The following TRIM9 variants were observed in gnomAD, a reference collection of about 807,000 sequenced individuals.
TRIM9 encodes the protein E3 ubiquitin-protein ligase TRIM9.
Under a neutral mutation model 78.3 loss-of-function variants are expected in TRIM9, and 26 were observed. That is an observed-to-expected ratio of 0.33 (90% CI 0.24 to 0.46). The LOEUF is 0.46. Ranked by LOEUF, TRIM9 falls within the 20% of genes least tolerant of loss-of-function variation. The pLI, the probability that TRIM9 is intolerant of heterozygous loss-of-function variation, is 1.00. For synonymous variants in TRIM9, 398 were observed against 416.5 expected, an observed-to-expected ratio of 0.96 and a Z score of 0.54; for missense variants, 787 against 1,036.4, an observed-to-expected ratio of 0.76 and a Z score of 3.30.
chr14:51,052,753 C>T (rs773738892), intron 1 of TRIM9, among the ~76,000 whole-genome samples: 2 of 152,196 alleles, frequency 1.3e-5, no homozygotes, highest in South Asian at 2.1e-4. Flanking sequence ...CAGACACAGA[C>T]GTCATTGCCC....
intron 3 of TRIM9, among the ~76,000 whole-genome samples, chr14:51,021,375 G>A (rs2057746405): frequency 6.6e-6 from 1 of 152,172 alleles, no homozygotes; most frequent in Non-Finnish European, 1.5e-5. Flanking sequence ...CAGCTCTTGA[G>A]GTACTCTGTG....
At chr14:51,059,867 T>G (rs943318752) in intron 1 of TRIM9, among the ~76,000 whole-genome samples, 3 of 152,110 alleles carry the variant, frequency 2.0e-5, no homozygotes, top group African/African-American at 7.2e-5. Flanking sequence ...TGCTCTATTC[T>G]TCTACTAGGA....
intron 3 of TRIM9, among the ~76,000 whole-genome samples, chr14:51,020,129 T>C (rs1020316605): frequency 2.0e-5 from 3 of 152,122 alleles, no homozygotes; most frequent in African/African-American, 7.2e-5. Flanking sequence ...AGATTACCCC[T>C]GCAGGACAGT....
At chr14:51,016,865 T>C (rs561919412) in intron 3 of TRIM9, among the ~76,000 whole-genome samples, 2 of 152,192 alleles carry the variant, frequency 1.3e-5, no homozygotes, top group Non-Finnish European at 2.9e-5. Flanking sequence ...CCATTGTTGG[T>C]TGAATTCATG....
chr14:51,055,022 C>T (rs1435907633), intron 1 of TRIM9, among the ~76,000 whole-genome samples: 1 of 149,816 alleles, frequency 6.7e-6, no homozygotes, highest in East Asian at 2.0e-4. Flanking sequence ...AGACAGGTTT[C>T]ACCATGTTGG....
At position 50,986,002 on chromosome 14, in the gene TRIM9, G is replaced by T; in HGVS notation, c.1746C>A (p.Pro582=). Residue 582 remains proline (P), a synonymous_variant, in exon 8 of 13, where the codon CCC becomes CCA. Transcript: ENST00000684578. ...AAGAGGAATGCAAGCTCAGCTGGTG[G>T]GGTGAGGATCGGAAATCAAAGTAGG... ...GRSYFDFRSS[P]HQLSLHSSLQ... 2 of 1,548,828 alleles carry T rather than the reference G, an allele frequency of 1.3e-6. No homozygotes were observed. Among genetic ancestry groups the T allele is most frequent in the African/African-American group, 2.7e-5 (2 of 73,116 alleles).
chr14:51,052,254 T>C (rs977078710), intron 1 of TRIM9, among the ~76,000 whole-genome samples: 1 of 152,118 alleles, frequency 6.6e-6, no homozygotes, highest in Admixed American at 6.5e-5. Flanking sequence ...TATAAATAAA[T>C]GTTGTAAAGC....
At chr14:50,995,960 C>T (rs893036723) in intron 7 of TRIM9, 1 of 310,784 alleles carries the variant, frequency 3.2e-6, no homozygotes, top group Admixed American at 6.5e-5. Flanking sequence ...TCGATCATAT[C>T]TTTTTTTTTA....
intron 8 of TRIM9, among the ~76,000 whole-genome samples, chr14:50,984,577 C>T (rs953930535): frequency 7.9e-5 from 12 of 152,194 alleles, no homozygotes; most frequent in African/African-American, 2.9e-4. Context: ...TTAAAACCGA[C>T]TCTCATATTC....
chr14:51,029,314 T>C (rs188092406), intron 1 of TRIM9, among the ~76,000 whole-genome samples: 6 of 152,284 alleles, frequency 3.9e-5, no homozygotes, highest in Middle Eastern at 3.4e-3. Flanking sequence ...GGCAGCTTGA[T>C]GGCTCAGAAA....
chr14:51,068,553 A>AT (rs1340030647), intron 1 of TRIM9, among the ~76,000 whole-genome samples: 1 of 152,232 alleles, frequency 6.6e-6, no homozygotes, highest in Non-Finnish European at 1.5e-5. Flanking sequence ...TGTAGAAGTT[A>AT]TTTTTATCCC....
chr14:51,093,512 G>C (rs1291525803), intron 1 of TRIM9, among the ~76,000 whole-genome samples: 1 of 152,184 alleles, frequency 6.6e-6, no homozygotes, highest in East Asian at 1.9e-4. Flanking sequence ...TGCCCTCTCC[G>C]CTCTGTCTTT....
chr14:51,021,273 C>T (rs2057737609), intron 3 of TRIM9, among the ~76,000 whole-genome samples: 1 of 152,184 alleles, frequency 6.6e-6, no homozygotes, highest in South Asian at 2.1e-4. Flanking sequence ...GCTAATCACC[C>T]ACTTCTTCCC....
chr14:51,008,448 A>G (rs2056127106), intron 5 of TRIM9, among the ~76,000 whole-genome samples: 1 of 152,236 alleles, frequency 6.6e-6, no homozygotes, highest in African/African-American at 2.4e-5. Flanking sequence ...CTGCCATAAA[A>G]ATGTTGTTGC....
At chr14:51,089,363 C>G (rs2064096977) in intron 1 of TRIM9, 1 of 152,194 alleles carries the variant, frequency 6.6e-6, no homozygotes, top group African/African-American at 2.4e-5. Flanking sequence ...GAAAAGTCCA[C>G]CAACTTGTTT....
chr14:51,036,739 A>C (rs993193069), intron 1 of TRIM9, among the ~76,000 whole-genome samples: 1 of 152,212 alleles, frequency 6.6e-6, no homozygotes, highest in African/African-American at 2.4e-5. Context: ...ATGCATACAG[A>C]GGGCTGACTG....
chr14:50,979,444 T>C lies in TRIM9; in HGVS notation c.2268A>G (p.Ala756=), dbSNP rs758823216. 2 of 1,614,210 alleles carry C rather than the reference T, an allele frequency of 1.2e-6. No individual in the cohort carries two copies. The highest frequency in any genetic ancestry group is 2.2e-5 in the South Asian group (2 of 91,090). The change falls in exon 12 of 13, where the codon GCA becomes GCG. Residue 756 remains alanine (A), a synonymous_variant. Coordinates refer to ENST00000684578, the MANE Select transcript of TRIM9 (RefSeq NM_001387360.1). ...AGAAGAGGCCCTCCACGTTATCAAATGCTATGGGACCTTGTTGTTCATCGT... is the reference window on the plus strand; with the variant it reads ...AGAAGAGGCCCTCCACGTTATCAAACGCTATGGGACCTTGTTGTTCATCGT... ...FINDEQQGPI[A]FDNVEGLFFP... is the part of the protein sequence containing the mutation.
chr14:51,094,026 G>C, intron 1 of TRIM9, 92 bp downstream of exon 1: 1 of 1,320,520 alleles, frequency 7.6e-7, no homozygotes. Flanking sequence ...CCCCCACTGG[G>C]ATGCGCTGTG....
intron 3 of TRIM9, among the ~76,000 whole-genome samples, chr14:51,013,996 A>G (rs992320982): frequency 1.3e-5 from 2 of 152,180 alleles, no homozygotes; most frequent in African/African-American, 4.8e-5. Flanking sequence ...TCATTTCATC[A>G]TCCAAATGAC....
Sources: allele counts gnomAD v4.1 joint callset (sites outside exome capture counted in the v4.1 genomes callset), GRCh38; gene constraint gnomAD v4.1.1; transcripts MANE v1.5; gene names NCBI Gene and HGNC (gene_info 2026-07-23, HGNC 2026-07-21).